BRWD3: variants seen among roughly 807,000 people sequenced by gnomAD.
BRWD3 encodes the protein bromodomain and WD repeat-containing protein 3.
BRWD3 carries 10 observed loss-of-function variants against 149.7 expected under a neutral mutation model. The observed-to-expected ratio is 0.07, with a 90% CI of 0.04 to 0.11. The LOEUF (loss-of-function observed/expected upper bound fraction) is 0.11. BRWD3 is among the 10% of genes least tolerant of loss of function. BRWD3 has a pLI of 1.00. For synonymous variants in BRWD3, 504 were observed against 456.7 expected (o/e 1.10, Z -1.32); for missense variants, 940 against 1,373.2 (o/e 0.68, Z 4.99).
At chrX:80,757,507 CT>C (rs1342763310) in intron 6 of BRWD3, among the ~76,000 whole-genome samples, 3 of 112,305 alleles carry the variant, frequency 2.7e-5, no homozygotes, top group Non-Finnish European at 5.6e-5. Context: ...ATTTGAAGAA[CT>C]TTCCTTTTGA....
intron 8 of BRWD3, chrX:80,743,738 A>G (rs998237536): frequency 1.2e-5 from 3 of 255,665 alleles, no homozygotes; most frequent in Non-Finnish European, 2.1e-5. Flanking sequence ...CTAATAGGAA[A>G]GAGTGTGCTC....
chrX:80,733,602 T>A, intron 11 of BRWD3, 106 bp from the exon 12 acceptor site: 1 of 605,248 alleles, frequency 1.7e-6, no homozygotes, highest in Non-Finnish European at 2.6e-6. Context: ...GTAGTTTTTT[T>A]TTTTTTTAAT....
chrX:80,807,963 T>C (rs2074365368), intron 4 of BRWD3, among the ~76,000 whole-genome samples: 1 of 110,781 alleles, frequency 9.0e-6, no homozygotes, highest in African/African-American at 3.3e-5. Context: ...AAATTTGAAA[T>C]TGGCTTGACG....
chrX:80,728,052 G>A lies in BRWD3; in HGVS notation c.1386+700C>T, dbSNP rs2073275257. On this transcript the variant is annotated intron_variant, in intron 14 of 40. Transcript: ENST00000373275. The stretch of plus-strand genomic sequence containing the variant: ...CATAAACACCATGATATAGTATAAA[G>A]ACAACTGAGTTGAGTCAGAAGAATT... Among the ~76,000 whole-genome samples, 3 of 111,708 alleles carry A rather than the reference G, an allele frequency of 2.7e-5. No homozygotes were observed. The South Asian group carries it at 1.1e-3, about 41-fold the overall frequency.
At chrX:80,746,579 T>A (rs1232629778) in intron 6 of BRWD3, among the ~76,000 whole-genome samples, 1 of 111,667 alleles carries the variant, frequency 9.0e-6, no homozygotes, top group Non-Finnish European at 1.9e-5. Context: ...TCTTCCCTTA[T>A]ACACTAAAAG....
At chrX:80,743,990 T>G (rs1217033576) in intron 8 of BRWD3, 42 bp downstream of exon 8, 1 of 1,068,503 alleles carries the variant, frequency 9.4e-7, no homozygotes, top group Non-Finnish European at 1.3e-6. Context: ...AATTCTCACC[T>G]TTTTTACATA....
intron 6 of BRWD3, among the ~76,000 whole-genome samples, chrX:80,769,422 C>G (rs1387900544): frequency 1.8e-5 from 2 of 111,722 alleles, no homozygotes; most frequent in Non-Finnish European, 3.8e-5. Context: ...CAAACTACAA[C>G]TCAGGATTAA....
intron 8 of BRWD3, among the ~76,000 whole-genome samples, chrX:80,739,700 C>T (rs988480190): frequency 9.0e-6 from 1 of 111,665 alleles, no homozygotes; most frequent in Non-Finnish European, 1.9e-5. Flanking sequence ...TTGAATAGTA[C>T]CAAGCCCTAA....
At chrX:80,745,509 A>T in intron 7 of BRWD3, 60 bp downstream of exon 7, 4 of 1,069,819 alleles carry the variant, frequency 3.7e-6, no homozygotes, top group Non-Finnish European at 5.1e-6. Context: ...AATGCCATGC[A>T]GTCTGGCTTC....
At chrX:80,769,227 C>G (rs1250836034) in intron 6 of BRWD3, among the ~76,000 whole-genome samples, 1 of 111,464 alleles carries the variant, frequency 9.0e-6, no homozygotes, top group Non-Finnish European at 1.9e-5. Context: ...GAACTCAGCT[C>G]TGCAACAAGC....
chrX:80,696,034 A>T, intron 26 of BRWD3, 44 bp from the exon 27 acceptor site: 2 of 1,039,658 alleles, frequency 1.9e-6, no homozygotes, highest in Non-Finnish European at 2.7e-6. Flanking sequence ...TAGAGATATA[A>T]CAATATATGT....
chrX:80,799,577 A>C (rs1168627508), intron 4 of BRWD3, among the ~76,000 whole-genome samples: 4 of 112,273 alleles, frequency 3.6e-5, no homozygotes, highest in African/African-American at 1.3e-4. Context: ...AAAGTTAGTC[A>C]TGTAATCTTT....
intron 8 of BRWD3, among the ~76,000 whole-genome samples, chrX:80,736,835 A>G (rs757259298): frequency 9.0e-6 from 1 of 111,647 alleles, no homozygotes; most frequent in South Asian, 3.7e-4. Context: ...GAAAAGAACA[A>G]CTGAGCTCCT....
chrX:80,751,489 C>T (rs2073666637), intron 6 of BRWD3, among the ~76,000 whole-genome samples: 1 of 112,004 alleles, frequency 8.9e-6, no homozygotes, highest in South Asian at 3.7e-4. Flanking sequence ...ACTCATTCAT[C>T]TAACAAATAT....
intron 4 of BRWD3, among the ~76,000 whole-genome samples, chrX:80,801,322 T>A: frequency 1.1e-5 from 1 of 93,788 alleles, no homozygotes; most frequent in Admixed American, 1.4e-4. Flanking sequence ...CCAAATTCAA[T>A]GGATTCTCCT....
chrX:80,781,921 T>C (rs1478608986), intron 6 of BRWD3, among the ~76,000 whole-genome samples: 1 of 111,873 alleles, frequency 8.9e-6, no homozygotes, highest in Non-Finnish European at 1.9e-5. Flanking sequence ...TGTTAAAATG[T>C]CCATTCTACT....
Position 80,708,554 on chromosome X carries a change from G to A in BRWD3, c.2475+874C>T, listed in dbSNP as rs193085574. 5.0e-3 allele frequency among the ~76,000 whole-genome samples: 552 copies of A among 110,138 alleles called. 5 individuals are homozygous for A. The highest frequency in any genetic ancestry group is 0.016 in the African/African-American group (491 of 30,288). ...AATGGGGCCAGGTGCAGTGGCTCAC[G>A]CCTGTAATCCTAGCACTTTGGGAGG... On this transcript the variant is annotated intron_variant, in intron 21 of 40. Coordinates refer to ENST00000373275, the MANE Select transcript of BRWD3 (RefSeq NM_153252.5).
intron 20 of BRWD3, among the ~76,000 whole-genome samples, chrX:80,715,225 A>G (rs2073058728): frequency 9.0e-6 from 1 of 110,962 alleles, no homozygotes; most frequent in South Asian, 3.8e-4. Flanking sequence ...AAAAAAAAAA[A>G]CTTACCAGAG....
At chrX:80,712,946 C>G (rs1338148952) in intron 20 of BRWD3, among the ~76,000 whole-genome samples, 24 of 107,848 alleles carry the variant, frequency 2.2e-4, no homozygotes, top group African/African-American at 8.1e-4. Context: ...GGAGCTCCTC[C>G]GCCCGGCACC....
Sources: allele counts gnomAD v4.1 joint callset (sites outside exome capture counted in the v4.1 genomes callset), GRCh38; gene constraint gnomAD v4.1.1; transcripts MANE v1.5; gene names NCBI Gene and HGNC (gene_info 2026-07-23, HGNC 2026-07-21).